Variants in FOCAD observed in about 807,000 individuals in gnomAD.
FOCAD encodes KIAA1797.
In FOCAD, 198 loss-of-function variants were observed where a neutral mutation model predicts 225.6. That is an observed-to-expected ratio of 0.88 (90% CI 0.78 to 0.99). FOCAD has a LOEUF of 0.99. Among genes scored for constraint, FOCAD ranks in the 50% least tolerant of loss-of-function variants. The probability of loss-of-function intolerance (pLI) is 0.00; values close to 1 mark genes in which losing one functional copy is unlikely to be tolerated. For missense variants in FOCAD, 2,713 were observed against 2,123.6 expected (o/e 1.28, Z -5.46); for synonymous variants, 897 against 755.0 (o/e 1.19, Z -3.08).
chr9:20,840,374 C>G (rs1027951981), intron 15 of FOCAD, among the ~76,000 whole-genome samples: 7 of 151,320 alleles, frequency 4.6e-5, no homozygotes, highest in African/African-American at 1.2e-4. Flanking sequence ...TTGTAGATCT[C>G]TTTTACTTCT....
chr9:20,811,965 C>T (rs530853980), intron 11 of FOCAD, among the ~76,000 whole-genome samples: 1 of 152,006 alleles, frequency 6.6e-6, no homozygotes, highest in African/African-American at 2.4e-5. Flanking sequence ...TGAATACACA[C>T]TATTATCTTA....
intron 11 of FOCAD, among the ~76,000 whole-genome samples, chr9:20,799,868 G>A (rs1050771445): frequency 2.8e-4 from 43 of 152,076 alleles, no homozygotes; most frequent in Non-Finnish European, 4.9e-4. Context: ...ATATTGTTAT[G>A]TGTGAATTTG....
chr9:20,719,217 G>T (rs1412956843), intron 3 of FOCAD, among the ~76,000 whole-genome samples: 1 of 152,082 alleles, frequency 6.6e-6, no homozygotes, highest in Non-Finnish European at 1.5e-5. Context: ...GAGTAGCTGG[G>T]ACTACAGGTG....
chr9:20,895,434 T>G (rs2131938317), intron 21 of FOCAD, among the ~76,000 whole-genome samples: 1 of 152,084 alleles, frequency 6.6e-6, no homozygotes, highest in Middle Eastern at 3.4e-3. Context: ...ATATTGAGCT[T>G]TCAAAAATCC....
At chr9:20,945,040 A>C (rs1837046420) in intron 29 of FOCAD, among the ~76,000 whole-genome samples, 1 of 152,216 alleles carries the variant, frequency 6.6e-6, no homozygotes, top group Non-Finnish European at 1.5e-5. Context: ...GGCACTTTCT[A>C]AGAAGAGCTG....
intron 20 of FOCAD, among the ~76,000 whole-genome samples, chr9:20,884,709 C>A (rs1008589157): frequency 1.3e-5 from 2 of 152,036 alleles, no homozygotes; most frequent in South Asian, 4.1e-4. Flanking sequence ...TTATAAATAT[C>A]TCTATCCAGA....
intron 4 of FOCAD, among the ~76,000 whole-genome samples, chr9:20,728,158 G>C (rs1264355115): frequency 1.3e-5 from 2 of 152,010 alleles, no homozygotes; most frequent in Non-Finnish European, 2.9e-5. Flanking sequence ...AATTTTTTTT[G>C]AATCTTCAAC....
intron 29 of FOCAD, among the ~76,000 whole-genome samples, chr9:20,944,993 T>C (rs1013791635): frequency 2.0e-5 from 3 of 152,212 alleles, no homozygotes; most frequent in African/African-American, 7.2e-5. Flanking sequence ...GATAAGAGCC[T>C]TTAGTGAATA....
At chr9:20,743,820 T>G (rs2131685474) in intron 5 of FOCAD, among the ~76,000 whole-genome samples, 1 of 152,324 alleles carries the variant, frequency 6.6e-6, no homozygotes, top group East Asian at 1.9e-4. Flanking sequence ...ATCTGGGAGC[T>G]TGATGGTTCC....
Position 20,949,633 on chromosome 9 carries a change from T to C in FOCAD, c.3906T>C (p.His1302=). 6.2e-7 allele frequency: 1 copy of C among 1,613,274 alleles called. No individual in the cohort carries two copies. ...QLKSEAIQTS[H]FQGRLNEVIR... is the part of the protein sequence containing the mutation. ...AATCAGAAGCCATCCAGACCTCTCATTTTCAAGGCAGACTTAATGAAGTCA... is the reference window on the plus strand; with the variant it reads ...AATCAGAAGCCATCCAGACCTCTCACTTTCAAGGCAGACTTAATGAAGTCA... The change falls in exon 33 of 44, where the codon CAT becomes CAC. Residue 1302 remains histidine (H), a synonymous_variant. Transcript: ENST00000338382.
At chr9:20,665,183 G>A (rs1821862453) in intron 2 of FOCAD, among the ~76,000 whole-genome samples, 1 of 152,152 alleles carries the variant, frequency 6.6e-6, no homozygotes, top group African/African-American at 2.4e-5. Context: ...AACCTTGCTT[G>A]AAGTTTTATT....
intron 5 of FOCAD, among the ~76,000 whole-genome samples, chr9:20,752,190 T>C (rs1261511705): frequency 6.6e-6 from 1 of 151,814 alleles, no homozygotes; most frequent in African/African-American, 2.4e-5. Context: ...ATTTTGGCTT[T>C]TGTTGCCATT....
At chr9:20,849,686 G>C (rs1827461859) in intron 15 of FOCAD, among the ~76,000 whole-genome samples, 1 of 151,898 alleles carries the variant, frequency 6.6e-6, no homozygotes, top group Admixed American at 6.6e-5. Context: ...GGTATTTGAA[G>C]ACTTTCTAAG....
At chr9:20,721,093 A>G (rs991044243) in intron 4 of FOCAD, among the ~76,000 whole-genome samples, 1 of 152,224 alleles carries the variant, frequency 6.6e-6, no homozygotes, top group African/African-American at 2.4e-5. Context: ...AAGGAATAAG[A>G]GGGTTCCATT....
chr9:20,812,687 C>T (rs1214220242), intron 11 of FOCAD, among the ~76,000 whole-genome samples: 2 of 152,000 alleles, frequency 1.3e-5, no homozygotes, highest in Non-Finnish European at 2.9e-5. Context: ...TTTGCTGTTA[C>T]TCTGCCAAGG....
intron 1 of FOCAD, among the ~76,000 whole-genome samples, chr9:20,713,941 G>C (rs934689167): frequency 2.0e-5 from 3 of 152,160 alleles, no homozygotes; most frequent in African/African-American, 4.8e-5. Context: ...TAGGAAAATA[G>C]TTTGCAATCT....
intron 11 of FOCAD, among the ~76,000 whole-genome samples, chr9:20,793,857 C>G (rs1413175719): frequency 6.6e-6 from 1 of 152,044 alleles, no homozygotes; most frequent in Non-Finnish European, 1.5e-5. Context: ...AGGGAAAATA[C>G]GTTGAAGTCT....
chr9:20,989,784 C>T (rs1841489131), intron 41 of FOCAD, among the ~76,000 whole-genome samples: 1 of 152,198 alleles, frequency 6.6e-6, no homozygotes, highest in African/African-American at 2.4e-5. Context: ...TTGAAAACAT[C>T]AAAACAGAGG....
Position 20,690,089 on chromosome 9 carries a change from A to G in FOCAD, c.-33+5796A>G, listed in dbSNP as rs1462116384. 2.6e-5 allele frequency among the ~76,000 whole-genome samples: 4 copies of G among 152,198 alleles called. No individual in the cohort carries two copies. In the East Asian group the frequency reaches 7.7e-4, roughly 29 times the overall value. ...TTAGGTCAATTCTGGGCCCAGAGGT[A>G]TAGGAAATGCCTTAATGTGAATGGC... On this transcript the variant is annotated intron_variant, in intron 1 of 43. Coordinates refer to ENST00000338382, the MANE Select transcript of FOCAD (RefSeq NM_001375567.1).
Sources: gnomAD v4.1 joint callset for allele counts (sites outside exome capture counted in the v4.1 genomes callset) on GRCh38, gnomAD v4.1.1 for gene constraint, MANE v1.5 for transcripts, NCBI Gene and HGNC (gene_info 2026-07-23, HGNC 2026-07-21) for gene names.